OTOA: variants seen among roughly 807,000 people sequenced by gnomAD.
OTOA encodes the protein otoancorin.
Under a neutral mutation model 110.8 loss-of-function variants are expected in OTOA, and 70 were observed. The ratio of observed to expected loss-of-function variants is 0.63; its 90% CI spans 0.52 to 0.77. The LOEUF (loss-of-function observed/expected upper bound fraction) is 0.77, where lower values mean the gene tolerates loss of function less well. Ranked by LOEUF, OTOA falls within the 30% of genes least tolerant of loss-of-function variation. The probability of loss-of-function intolerance (pLI) is 0.00; values close to 1 mark genes in which losing one functional copy is unlikely to be tolerated. For synonymous variants in OTOA, 373 were observed against 431.5 expected (o/e 0.86, Z 1.68); for missense variants, 917 against 1,075.8 (o/e 0.85, Z 2.06).
intron 13 of OTOA, among the ~76,000 whole-genome samples, 179 bp from the exon 14 acceptor site, chr16:21,714,805 TG>T (rs1197795618): frequency 6.6e-6 from 1 of 152,178 alleles, no homozygotes; most frequent in African/African-American, 2.4e-5. Flanking sequence ...CCACCATGCC[TG>T]GCCAACTCTC....
chr16:21,702,206 T>C (rs1316517203), intron 11 of OTOA, among the ~76,000 whole-genome samples: 38 of 152,198 alleles, frequency 2.5e-4, no homozygotes, highest in Admixed American at 2.5e-3. Flanking sequence ...CATCTTGGAC[T>C]TCCAAAGTGC....
chr16:21,707,641 CTTT>C (rs1567379513), intron 12 of OTOA, among the ~76,000 whole-genome samples: 2 of 102,112 alleles, frequency 2.0e-5, no homozygotes, highest in Non-Finnish European at 4.5e-5. Flanking sequence ...TTCTTTCTTT[CTTT>C]CTTTCTTTCT....
At chr16:21,668,456 T>TTTC in intron 1 of OTOA, among the ~76,000 whole-genome samples, 1 of 137,044 alleles carries the variant, frequency 7.3e-6, no homozygotes, top group African/African-American at 3.0e-5. Flanking sequence ...GCTTTGTTTC[T>TTTC]TTCTTTTTTT....
intron 24 of OTOA, among the ~76,000 whole-genome samples, chr16:21,749,709 A>G (rs1239492234): frequency 8.7e-6 from 1 of 115,204 alleles, no homozygotes; most frequent in Non-Finnish European, 1.7e-5. Context: ...TGTGAGACAG[A>G]GTCTCCCTCT....
intron 8 of OTOA, among the ~76,000 whole-genome samples, chr16:21,689,344 A>T (rs529516344): frequency 6.6e-6 from 1 of 152,242 alleles, no homozygotes; most frequent in East Asian, 1.9e-4. Context: ...TAAGATGTAT[A>T]TAAATGAAAC....
intron 27 of OTOA, 44 bp downstream of exon 27, chr16:21,753,168 T>A (rs1439372163): frequency 1.7e-6 from 1 of 601,978 alleles, no homozygotes; most frequent in Non-Finnish European, 3.1e-6. Flanking sequence ...CTTGACCCCA[T>A]TTCAAATCAC....
At chr16:21,696,365 T>C (rs1897941027) in intron 9 of OTOA, among the ~76,000 whole-genome samples, 1 of 151,910 alleles carries the variant, frequency 6.6e-6, no homozygotes, top group Non-Finnish European at 1.5e-5. Context: ...GATCTTAAAG[T>C]AGGATTTGGA....
intron 13 of OTOA, among the ~76,000 whole-genome samples, chr16:21,712,380 A>G (rs984007961): frequency 2.0e-5 from 3 of 151,816 alleles, no homozygotes; most frequent in African/African-American, 7.3e-5. Flanking sequence ...AGAATAAAGG[A>G]GAGACTACTC....
intron 28 of OTOA, among the ~76,000 whole-genome samples, chr16:21,759,429 G>A (rs1302469770): frequency 6.6e-6 from 1 of 150,740 alleles, no homozygotes; most frequent in African/African-American, 2.4e-5. Context: ...TGCCGTAACT[G>A]TATTCAACCA....
At chr16:21,668,604 G>A (rs548074052) in intron 1 of OTOA, among the ~76,000 whole-genome samples, 122 of 151,478 alleles carry the variant, frequency 8.1e-4, no homozygotes, top group Non-Finnish European at 1.6e-3. Context: ...GGGATTATTA[G>A]CATGCGCCAC....
At chr16:21,733,091 G>C (rs2141726713) in intron 21 of OTOA, among the ~76,000 whole-genome samples, 1 of 79,554 alleles carries the variant, frequency 1.3e-5, no homozygotes, top group South Asian at 5.4e-4. Context: ...AGAGGCAATT[G>C]CTGTCCCCAA....
chr16:21,734,710 A>G (rs79807679), intron 21 of OTOA, among the ~76,000 whole-genome samples: 93 of 152,004 alleles, frequency 6.1e-4, no homozygotes, highest in East Asian at 4.3e-3. Flanking sequence ...GGTGGTGGGC[A>G]CATGTAGTCC....
At position 21,716,758 on chromosome 16, in the gene OTOA, C is replaced by A. The variant is rs1898566371; in HGVS notation, c.1489-149C>A. ...ACACTTTAAGTCTCTGTTTCCTCAC[C>A]TGTGAAATGGGGATGATGCTACTCT... On this transcript the variant is annotated intron_variant, in intron 14 of 28. Coordinates refer to ENST00000646100, the MANE Select transcript of OTOA (RefSeq NM_144672.4). 4.5e-6 allele frequency: 4 copies of A among 885,188 alleles called. No individual in the cohort carries two copies. The East Asian group carries it at 9.7e-5, about 22-fold the overall frequency. 54.8% of individuals were successfully genotyped at this position (885,188 alleles called of 1,614,324 possible).
Position 21,704,866 on chromosome 16 carries a change from A to G in OTOA, c.981-303A>G, listed in dbSNP as rs1055972868. On this transcript the variant is annotated intron_variant, in intron 11 of 28. Coordinates refer to ENST00000646100, the MANE Select transcript of OTOA (RefSeq NM_144672.4). Reference sequence around the variant, plus strand: ...GGTCTTGCTACAAGGTGATGCTGGGAGGTGTGATCTGATTGGATCATGCCA... The same window carrying G: ...GGTCTTGCTACAAGGTGATGCTGGGGGGTGTGATCTGATTGGATCATGCCA... 6.5e-6 allele frequency: 5 copies of G among 767,334 alleles called. No individual in the cohort carries two copies. The African/African-American group carries it at 8.5e-5, about 13-fold the overall frequency. The allele number at this position is 767,334 out of a possible 1,614,324, so 47.5% of individuals were successfully genotyped here.
intron 9 of OTOA, among the ~76,000 whole-genome samples, chr16:21,695,854 T>G (rs1897920208): frequency 7.3e-6 from 1 of 137,616 alleles, no homozygotes; most frequent in Non-Finnish European, 1.5e-5. Flanking sequence ...TGAAGTCTGA[T>G]CCTAGACTTG....
Position 21,719,434 on chromosome 16 carries a change from T to C in OTOA, c.1736T>C (p.Met579Thr). Residue 579 changes from methionine (M) to threonine (T), a missense_variant, in exon 17 of 29, where the codon ATG (methionine) becomes ACG (threonine). Physicochemically the swap from Met to Thr is moderately conservative, Grantham distance 81. Transcript: ENST00000646100. ...GTGACCTGCTCACACATTGATGCCA[T>C]GAGCACTGACTTCTTTCTGGCCCAT... ...KGVTCSHIDA[M>T]STDFFLAHFQ... 1 of 1,614,200 alleles carries C rather than the reference T, an allele frequency of 6.2e-7. No homozygotes were observed. Among genetic ancestry groups the C allele is most frequent in the South Asian group, 1.1e-5 (1 of 91,082 alleles).
intron 17 of OTOA, chr16:21,721,610 C>A: frequency 2.4e-6 from 1 of 413,088 alleles, no homozygotes; most frequent in South Asian, 1.7e-5. Flanking sequence ...AAATATAGGC[C>A]GGTCACAATG....
In OTOA at chr16:21,716,319, C is replaced by T. The variant is rs571481847; in HGVS notation, c.1489-588C>T. 1.6e-3 allele frequency among the ~76,000 whole-genome samples: 246 copies of T among 152,238 alleles called. 1 individual carries two copies. Among genetic ancestry groups the T allele is most frequent in the Admixed American group, 5.4e-3 (82 of 15,286 alleles). On this transcript the variant is annotated intron_variant, in intron 14 of 28. Coordinates refer to ENST00000646100, the MANE Select transcript of OTOA (RefSeq NM_144672.4). The stretch of plus-strand genomic sequence containing the variant: ...AGGTGAGGTGGCTCACGCCTGTAAT[C>T]GCAGCACTTTGGTAGGCCAAGGTGG...
In OTOA at chr16:21,706,848, A is replaced by ATT. The variant is rs34052117; in HGVS notation, c.1104+1570_1104+1571dup. On this transcript the variant is annotated intron_variant, in intron 12 of 28. Transcript: ENST00000646100. ...CTTTTTTTTTTTTTTTATAAGATTC[A>ATT]TTTTTTTTTTTTTTTGAGTTTCATT... 1.8e-3 allele frequency among the ~76,000 whole-genome samples: 216 copies of ATT among 123,294 alleles called. 2 individuals carry two copies. The highest frequency in any genetic ancestry group is 4.6e-3 in the South Asian group (17 of 3,710). 80.9% of individuals were successfully genotyped at this position (123,294 alleles called of 152,430 possible). A position where few individuals can be genotyped will look rare whatever the true frequency, so the allele number is the denominator to read the frequency against.
Sources: allele counts gnomAD v4.1 joint callset (sites outside exome capture counted in the v4.1 genomes callset), GRCh38; gene constraint gnomAD v4.1.1; transcripts MANE v1.5; gene names NCBI Gene and HGNC (gene_info 2026-07-23, HGNC 2026-07-21).